TRAK2: variants seen among roughly 807,000 people sequenced by gnomAD.
The protein encoded by TRAK2 is trafficking kinesin-binding protein 2.
In TRAK2, 81 loss-of-function variants were observed where a neutral mutation model predicts 104.6. That is an observed-to-expected ratio of 0.77 (90% CI 0.65 to 0.93). The LOEUF (loss-of-function observed/expected upper bound fraction) is 0.93. Among genes scored for constraint, TRAK2 ranks in the 40% least tolerant of loss-of-function variants. TRAK2 has a pLI of 0.00. For synonymous variants in TRAK2, 406 were observed against 394.4 expected, an observed-to-expected ratio of 1.03 and a Z score of -0.35; for missense variants, 1,002 against 1,089.0, an observed-to-expected ratio of 0.92 and a Z score of 1.12.
chr2:201,387,412 C>T (rs1951401302), intron 13 of TRAK2, among the ~76,000 whole-genome samples: 1 of 152,172 alleles, frequency 6.6e-6, no homozygotes, highest in Non-Finnish European at 1.5e-5. Flanking sequence ...AAACTGCTGT[C>T]AATGATATTC....
intron 2 of TRAK2, among the ~76,000 whole-genome samples, chr2:201,417,750 C>T (rs1264486139): frequency 1.3e-5 from 2 of 151,962 alleles, no homozygotes; most frequent in Admixed American, 6.6e-5. Context: ...AAATAAAAGG[C>T]ATCCAGATTG....
Position 201,399,393 on chromosome 2 carries a change from C to T in TRAK2, c.464G>A (p.Gly155Glu), listed in dbSNP as rs772630852. The change falls in exon 5 of 16, where the codon GGA becomes GAA. Residue 155 changes from glycine (G) to glutamate (E), a missense_variant. Physicochemically the swap from Gly to Glu is moderately conservative, Grantham distance 98 (BLOSUM62 -2). Coordinates refer to ENST00000332624, the MANE Select transcript of TRAK2 (RefSeq NM_015049.3). Reference protein sequence around the residue: ...EQNESLEEQLGQAFDQVNQLQ... With the variant: ...EQNESLEEQLEQAFDQVNQLQ... ...AAGGCTTACTTGATCAAAGGCTTGTCCCAATTGCTCCTCCAGGGATTCGTT... is the reference window on the plus strand; with the variant it reads ...AAGGCTTACTTGATCAAAGGCTTGTTCCAATTGCTCCTCCAGGGATTCGTT... The T allele has an allele frequency of 5.0e-6, 8 of 1,609,550 alleles. No individual in the cohort carries two copies. In the African/African-American group the frequency reaches 5.3e-5, roughly 11 times the overall value.
intron 1 of TRAK2, among the ~76,000 whole-genome samples, chr2:201,444,438 T>C (rs1030582751): frequency 2.1e-4 from 31 of 151,192 alleles, no homozygotes; most frequent in Admixed American, 1.3e-4. Flanking sequence ...CTCTCTTAAC[T>C]CTGGGCCTTT....
intron 1 of TRAK2, among the ~76,000 whole-genome samples, chr2:201,448,441 TG>T (rs1486608084): frequency 1.3e-5 from 2 of 152,240 alleles, no homozygotes; most frequent in Non-Finnish European, 2.9e-5. Flanking sequence ...ATTACATAAA[TG>T]TTTCCTATTA....
chr2:201,410,324 A>G lies in TRAK2; in HGVS notation c.92-2727T>C, dbSNP rs193166129. On this transcript the variant is annotated intron_variant, in intron 2 of 15. Transcript: ENST00000332624. ...CCGTCTCAAAAAAAAAAAACAAAAA[A>G]CCTGGAGAGGAGTTGGTAAGAGGAA... 1.6e-3 allele frequency among the ~76,000 whole-genome samples: 249 copies of G among 152,030 alleles called. 1 individual carries two copies. The highest frequency in any genetic ancestry group is 5.2e-3 in the South Asian group (25 of 4,808).
chr2:201,435,840 G>C (rs1951876931), intron 1 of TRAK2, among the ~76,000 whole-genome samples: 1 of 152,202 alleles, frequency 6.6e-6, no homozygotes, highest in Admixed American at 6.5e-5. Context: ...AAGGGAGAGG[G>C]AAGAGAGAGA....
chr2:201,418,054 G>A (rs1951708625), intron 2 of TRAK2, among the ~76,000 whole-genome samples: 1 of 152,164 alleles, frequency 6.6e-6, no homozygotes, highest in South Asian at 2.1e-4. Flanking sequence ...GAGGACCTAA[G>A]TAAATGGAGA....
In TRAK2 at chr2:201,411,398, A is replaced by C. The variant is rs1027108045; in HGVS notation, c.92-3801T>G. ...CTCCAATGTGGCTAAAAACCTTGTC[A>C]ATTTGCTGATTCCCAATATTTGTAA... On this transcript the variant is annotated intron_variant, in intron 2 of 15. Coordinates refer to ENST00000332624, the MANE Select transcript of TRAK2 (RefSeq NM_015049.3). The C allele has an allele frequency of 5.4e-6, 4 of 747,308 alleles. No individual in the cohort carries two copies. In the Middle Eastern group the frequency reaches 1.1e-3, roughly 198 times the overall value. The allele number at this position is 747,308 out of a possible 1,614,324, so 46.3% of individuals were successfully genotyped here.
At chr2:201,445,883 A>G (rs1298793645) in intron 1 of TRAK2, among the ~76,000 whole-genome samples, 1 of 152,256 alleles carries the variant, frequency 6.6e-6, no homozygotes, top group Non-Finnish European at 1.5e-5. Context: ...TGCAGGATAA[A>G]TTTTGGAATG....
chr2:201,433,297 T>A (rs1266231561), intron 1 of TRAK2, among the ~76,000 whole-genome samples: 1 of 152,210 alleles, frequency 6.6e-6, no homozygotes, highest in Non-Finnish European at 1.5e-5. Context: ...GCGGGAAAGC[T>A]ACACTGGCTA....
chr2:201,438,401 T>C (rs1279437871), intron 1 of TRAK2, among the ~76,000 whole-genome samples: 1 of 152,212 alleles, frequency 6.6e-6, no homozygotes, highest in African/African-American at 2.4e-5. Context: ...CCAGGCATCA[T>C]GTTAAATGCT....
intron 2 of TRAK2, chr2:201,412,579 G>A (rs1951657496): frequency 7.1e-7 from 1 of 1,399,330 alleles, no homozygotes; most frequent in Non-Finnish European, 1.0e-6. Context: ...ATCACTGACT[G>A]TTTCACAGCT....
In TRAK2 at chr2:201,389,429, G is replaced by A. The variant is rs1349177926; in HGVS notation, c.1268C>T (p.Ala423Val). 4 of 1,614,174 alleles carry A rather than the reference G, an allele frequency of 2.5e-6. No individual in the cohort carries two copies. The highest frequency in any genetic ancestry group is 1.7e-5 in the Admixed American group (1 of 60,026). ...GTTGGAGCCTGGAATGGGTAACAGAGCTGGGAATGAGATAGAGCGGCCCCG... is the reference window on the plus strand; with the variant it reads ...GTTGGAGCCTGGAATGGGTAACAGAACTGGGAATGAGATAGAGCGGCCCCG... ...DTRGRSISFPALLPIPGSNRS... is the reference protein window; with the variant it reads ...DTRGRSISFPVLLPIPGSNRS... The change falls in exon 12 of 16, where the codon GCT (alanine) becomes GTT (valine). Residue 423 changes from alanine (A) to valine (V), a missense_variant. Coordinates refer to ENST00000332624, the MANE Select transcript of TRAK2 (RefSeq NM_015049.3).
chr2:201,390,026 T>C (rs1576507607), intron 10 of TRAK2, 146 bp from the exon 11 acceptor site: 3 of 589,866 alleles, frequency 5.1e-6, no homozygotes, highest in Admixed American at 3.5e-5. Context: ...TCTGGAAATA[T>C]AACTTTTAAA....
intron 15 of TRAK2, among the ~76,000 whole-genome samples, chr2:201,383,831 T>C (rs541235193): frequency 1.3e-5 from 2 of 152,244 alleles, no homozygotes; most frequent in East Asian, 3.9e-4. Flanking sequence ...TAACTCTGGG[T>C]ATATTGCCCC....
chr2:201,416,842 G>A (rs1951695938), intron 2 of TRAK2, among the ~76,000 whole-genome samples: 2 of 151,614 alleles, frequency 1.3e-5, no homozygotes, highest in African/African-American at 2.4e-5. Flanking sequence ...TATGTCAACA[G>A]TAGAATTAAA....
At chr2:201,410,885 A>G in intron 2 of TRAK2, 1 of 1,586,834 alleles carries the variant, frequency 6.3e-7, no homozygotes, top group Non-Finnish European at 8.6e-7. Flanking sequence ...AAAGCACTGA[A>G]GTTTGGCAAA....
chr2:201,387,586 G>T, intron 13 of TRAK2, 117 bp downstream of exon 13: 1 of 1,078,530 alleles, frequency 9.3e-7, no homozygotes, highest in Non-Finnish European at 1.3e-6. Flanking sequence ...CAAGATTAAG[G>T]GATAAAAAGA....
chr2:201,441,795 G>A (rs149840383), intron 1 of TRAK2, among the ~76,000 whole-genome samples: 7,182 of 150,904 alleles, frequency 0.048, 298 homozygotes, highest in South Asian at 0.21. Flanking sequence ...GGGTTTAAGC[G>A]ATTCTCCTGC....
Sources: gnomAD v4.1 joint callset for allele counts (sites outside exome capture counted in the v4.1 genomes callset) on GRCh38, gnomAD v4.1.1 for gene constraint, MANE v1.5 for transcripts, NCBI Gene and HGNC (gene_info 2026-07-23, HGNC 2026-07-21) for gene names.